OTOGL: variants seen among roughly 807,000 people sequenced by gnomAD.
The protein encoded by OTOGL is otogelin like.
In OTOGL, 285 loss-of-function variants were observed where a neutral mutation model predicts 318.5. The observed-to-expected ratio is 0.89, with a 90% confidence interval of 0.81 to 0.99. The LOEUF (loss-of-function observed/expected upper bound fraction) is 0.99. Ranked by LOEUF, OTOGL falls within the 50% of genes least tolerant of loss-of-function variation. The probability of loss-of-function intolerance (pLI) is 0.00; values close to 1 mark genes in which losing one functional copy is unlikely to be tolerated. For missense variants in OTOGL, 2,899 were observed against 2,845.6 expected (o/e 1.02, Z -0.43); for synonymous variants, 987 against 936.5 (o/e 1.05, Z -0.99).
chr12:80,367,618 T>C lies in OTOGL; in HGVS notation c.6389T>C (p.Met2130Thr). Reference sequence around the variant, plus strand: ...TCAGTATTGAATCCTGGACAATCCATGATAAAGTATTTGGAAGAAGACTTT... The same window carrying C: ...TCAGTATTGAATCCTGGACAATCCACGATAAAGTATTTGGAAGAAGACTTT... Reference protein sequence around the residue: ...EVSVLNPGQSMIKYLEEDFCY... With the variant: ...EVSVLNPGQSTIKYLEEDFCY... Residue 2130 changes from methionine (M) to threonine (T), a missense_variant, in exon 54 of 59, where the codon ATG becomes ACG. Met to Thr is a moderately conservative substitution (Grantham distance 81). Around this residue, in one of 3 missense-constraint regions of OTOGL, gnomAD observed 289 missense variants for 304.6 expected, o/e 0.95. Transcript: ENST00000547103. 1 of 1,544,102 alleles carries C rather than the reference T, an allele frequency of 6.5e-7. No individual in the cohort carries two copies. Among genetic ancestry groups the C allele is most frequent in the Non-Finnish European group, 8.8e-7 (1 of 1,135,756 alleles).
chr12:80,280,232 C>A (rs1217484638), intron 26 of OTOGL, among the ~76,000 whole-genome samples: 1 of 151,566 alleles, frequency 6.6e-6, no homozygotes, highest in Non-Finnish European at 1.5e-5. Flanking sequence ...AATATTTTCT[C>A]CCATTCTGTA....
chr12:80,279,119 G>A lies in OTOGL; in HGVS notation c.2881G>A (p.Gly961Arg), dbSNP rs1216068180. The change falls in exon 26 of 59, where the codon GGA becomes AGA. Residue 961 changes from glycine (G) to arginine (R), a missense_variant. Around this residue, in one of 3 missense-constraint regions of OTOGL, gnomAD observed 2,607 missense variants for 2,524.9 expected, o/e 1.03. Transcript: ENST00000547103. ...GGACCGACATTATTATTCTTTTGAT[G>A]GACTAGAATATGACTATATCAGTGA... ...YGDRHYYSFD[G>R]LEYDYISDCQ... 1.3e-5 allele frequency: 20 copies of A among 1,593,726 alleles called. No homozygotes were observed. The Admixed American group carries it at 3.0e-4, about 24-fold the overall frequency.
chr12:80,307,746 C>G (rs538020379), intron 29 of OTOGL, among the ~76,000 whole-genome samples: 10 of 144,342 alleles, frequency 6.9e-5, no homozygotes, highest in African/African-American at 2.6e-4. Flanking sequence ...GGGGGCAGAC[C>G]CCGCCACCTC....
intron 44 of OTOGL, among the ~76,000 whole-genome samples, chr12:80,345,833 A>G (rs748264827): frequency 2.0e-5 from 3 of 152,222 alleles, no homozygotes; most frequent in Non-Finnish European, 4.4e-5. Flanking sequence ...AGAGACCCTT[A>G]CAAAGCTTAT....
chr12:80,318,547 A>G lies in OTOGL; in HGVS notation c.3636A>G (p.Gly1212=). The G allele has an allele frequency of 7.7e-7, 1 of 1,298,548 alleles. No individual in the cohort carries two copies. The highest frequency in any genetic ancestry group is 9.9e-7 in the Non-Finnish European group (1 of 1,011,732). 80.4% of individuals were successfully genotyped at this position (1,298,548 alleles called of 1,614,324 possible). The part of the protein sequence containing the change: ...CSLDCEYYNE[G]LGEGPYMLAS... ...ATTCTAATATTTATATTTAACTAGG[A>G]CTTGGAGAAGGACCATATATGCTGG... Residue 1212 remains glycine (G), a splice_region_variant and synonymous_variant, in exon 33 of 59, where the codon GGA becomes GGG. Transcript: ENST00000547103.
At chr12:80,144,145 C>T (rs373978464) in intron 1 of OTOGL, among the ~76,000 whole-genome samples, 35 of 151,512 alleles carry the variant, frequency 2.3e-4, no homozygotes, top group Non-Finnish European at 3.4e-4. Flanking sequence ...CACGCTGGTG[C>T]GCTGCACCCA....
chr12:80,104,335 G>A (rs1869322820), intron 1 of OTOGL, among the ~76,000 whole-genome samples: 1 of 152,166 alleles, frequency 6.6e-6, no homozygotes, highest in Non-Finnish European at 1.5e-5. Flanking sequence ...CATACCTCAA[G>A]CTTTTCCATT....
At position 80,358,229 on chromosome 12, in the gene OTOGL, G is replaced by C; in HGVS notation, c.6020-19G>C. ...GTTTTTAGCTCAGCTGTGATTTTTG[G>C]CTTCTTGTTTTACCTTAGTTTGTGA... On this transcript the variant is annotated intron_variant, in intron 49 of 58. Coordinates refer to ENST00000547103, the MANE Select transcript of OTOGL (RefSeq NM_001378609.3). The C allele has an allele frequency of 6.5e-7, 1 of 1,546,308 alleles. No homozygotes were observed.
At chr12:80,293,032 G>A (rs907257936) in intron 26 of OTOGL, among the ~76,000 whole-genome samples, 2 of 152,054 alleles carry the variant, frequency 1.3e-5, no homozygotes, top group Non-Finnish European at 2.9e-5. Context: ...CAAAATAAGA[G>A]TCACAGGTAA....
chr12:80,171,912 T>C (rs2137218867), intron 1 of OTOGL, among the ~76,000 whole-genome samples: 1 of 152,308 alleles, frequency 6.6e-6, no homozygotes, highest in Non-Finnish European at 1.5e-5. Flanking sequence ...TTTGTTTTTC[T>C]GCTTGCTTTG....
chr12:80,217,909 A>G (rs1877900571), intron 5 of OTOGL, among the ~76,000 whole-genome samples: 1 of 152,224 alleles, frequency 6.6e-6, no homozygotes, highest in Non-Finnish European at 1.5e-5. Context: ...CACTGGATGT[A>G]AGAAACTATT....
At chr12:80,275,971 T>TG (rs200173639) in intron 24 of OTOGL, among the ~76,000 whole-genome samples, 138,239 of 151,434 alleles carry the variant, frequency 0.91, 63,179 homozygotes, top group Admixed American at 0.94. Context: ...ATCTGCTTTA[T>TG]TGACTTGCTT....
In OTOGL at chr12:80,170,211, G is replaced by GTA. The variant is rs1383575456; in HGVS notation, c.-19-39201_-19-39200insAT. 5.8e-4 allele frequency among the ~76,000 whole-genome samples: 63 copies of GTA among 108,118 alleles called. 1 individual carries two copies. The highest frequency in any genetic ancestry group is 2.7e-3 in the Admixed American group (33 of 12,074). The allele number at this position is 108,118 out of a possible 152,430, so 70.9% of individuals were successfully genotyped here. Reference sequence around the variant, plus strand: ...TGTGTGTGTGTGTGTGTGTGTGTGTGTGTATGTATGTGTGTGTGTGTATGT... The same window carrying GTA: ...TGTGTGTGTGTGTGTGTGTGTGTGTGTATGTATGTATGTGTGTGTGTGTATGT... On this transcript the variant is annotated intron_variant, in intron 1 of 58. Transcript: ENST00000547103.
In OTOGL at chr12:80,217,580, C is replaced by A; in HGVS notation, c.169-18C>A. 6.7e-7 allele frequency: 1 copy of A among 1,488,022 alleles called. No homozygotes were observed. The allele number at this position is 1,488,022 out of a possible 1,614,324, so 92.2% of individuals were successfully genotyped here. A position where few individuals can be genotyped will look rare whatever the true frequency, so the allele number is the denominator to read the frequency against. ...AAATAATTTAACTGTATTGCATTCTCATTTCTTTCTTTCAAAGTTTGAAGC... is the reference window on the plus strand; with the variant it reads ...AAATAATTTAACTGTATTGCATTCTAATTTCTTTCTTTCAAAGTTTGAAGC... On this transcript the variant is annotated intron_variant, in intron 4 of 58. Transcript: ENST00000547103.
In OTOGL at chr12:80,352,552, A is replaced by C. The variant is rs1327617283; in HGVS notation, c.5407+116A>C. ...CTAATTTAGTAAGCATAAAATGCAC[A>C]GAAGAAGCTATGACAAACACAAGTT... On this transcript the variant is annotated intron_variant, in intron 45 of 58. Coordinates refer to ENST00000547103, the MANE Select transcript of OTOGL (RefSeq NM_001378609.3). 1.4e-4 allele frequency: 122 copies of C among 883,906 alleles called. 1 individual carries two copies. Among genetic ancestry groups the C allele is most frequent in the Non-Finnish European group, 3.2e-6 (2 of 616,174 alleles). The allele number at this position is 883,906 out of a possible 1,614,324, so 54.8% of individuals were successfully genotyped here. A position where few individuals can be genotyped will look rare whatever the true frequency, so the allele number is the denominator to read the frequency against.
chr12:80,188,542 AAAAAAT>A (rs994244488), intron 1 of OTOGL, among the ~76,000 whole-genome samples: 1 of 149,402 alleles, frequency 6.7e-6, no homozygotes, highest in African/African-American at 2.4e-5. Flanking sequence ...TGTCTCAAAA[AAAAAAT>A]AATAATAATA....
Position 80,378,038 on chromosome 12 carries a change from A to G in OTOGL, c.7052A>G (p.Gln2351Arg). ...CAGGAACCCATAGACTGTACGTGCC[A>G]GTGGAATTAAACCCTTGGGTTCCAA... ...TLQEPIDCTC[Q>R]WN The change falls in exon 59 of 59, where the codon CAG becomes CGG. Residue 2351 changes from glutamine to arginine, a missense_variant. Physicochemically the swap from Gln to Arg is conservative, Grantham distance 43 (BLOSUM62 1). This residue lies in a region of OTOGL where 289 missense variants were observed against 304.6 expected (regional missense o/e 0.95). Transcript: ENST00000547103. The G allele has an allele frequency of 3.2e-6, 5 of 1,570,324 alleles. No individual in the cohort carries two copies. The highest frequency in any genetic ancestry group is 4.3e-6 in the Non-Finnish European group (5 of 1,154,820).
At chr12:80,157,732 C>T (rs1336460306) in intron 1 of OTOGL, among the ~76,000 whole-genome samples, 1 of 152,104 alleles carries the variant, frequency 6.6e-6, no homozygotes, top group African/African-American at 2.4e-5. Context: ...AATCAGTTCG[C>T]TGTAGGTGTG....
chr12:80,219,248 A>G (rs1479889662), intron 5 of OTOGL, among the ~76,000 whole-genome samples: 1 of 152,142 alleles, frequency 6.6e-6, no homozygotes, highest in Non-Finnish European at 1.5e-5. Context: ...TGTAGCTGGG[A>G]CTACAGGCAT....
Sources: allele counts gnomAD v4.1 joint callset (sites outside exome capture counted in the v4.1 genomes callset), GRCh38; gene constraint gnomAD v4.1.1; regional missense constraint gnomAD v4.1.1; transcripts MANE v1.5; gene names NCBI Gene and HGNC (gene_info 2026-07-23, HGNC 2026-07-21).